The following BSPRY variants were observed in gnomAD, a reference collection of about 807,000 sequenced individuals.
The protein encoded by BSPRY is B-box and SPRY domain containing.
In BSPRY, 33 loss-of-function variants were observed where a neutral mutation model predicts 38.0. That is an observed-to-expected ratio of 0.87 (90% CI 0.66 to 1.16). The LOEUF is 1.16. BSPRY is among the 50% of genes most tolerant of loss of function. The pLI is 0.00. For synonymous variants in BSPRY, 224 were observed against 228.5 expected (o/e 0.98, Z 0.18); for missense variants, 523 against 533.2 (o/e 0.98, Z 0.19).
At chr9:113,367,081 A>T (rs1834264696) in intron 4 of BSPRY, among the ~76,000 whole-genome samples, 1 of 152,220 alleles carries the variant, frequency 6.6e-6, no homozygotes, top group Non-Finnish European at 1.5e-5. Context: ...ACTTCAGGTC[A>T]AGGAAAAAAT....
rs1180845161 is a variant in BSPRY at position 113,360,700 on chromosome 9, T to G, written c.494T>G (p.Val165Gly). The stretch of plus-strand genomic sequence containing the variant: ...CTTGACACCATCCGCACTGGCCTGG[T>G]GGGCATGCTTACTCACCTGGATGAC... ...QKLDTIRTGL[V>G]GMLTHLDDLQ... is the part of the protein sequence containing the mutation. The change falls in exon 3 of 6, where the codon GTG becomes GGG. Residue 165 changes from valine to glycine, a missense_variant. By Grantham distance (109) the Val-to-Gly change is moderately radical. Coordinates refer to ENST00000374183, the MANE Select transcript of BSPRY (RefSeq NM_017688.3). The G allele has an allele frequency of 6.2e-7, 1 of 1,601,254 alleles. No homozygotes were observed.
intron 4 of BSPRY, among the ~76,000 whole-genome samples, chr9:113,367,269 C>G (rs966922177): frequency 6.6e-6 from 1 of 152,096 alleles, no homozygotes; most frequent in African/African-American, 2.4e-5. Context: ...AACAGCAAAC[C>G]CAGGCCCTCA....
chr9:113,359,373 A>G (rs941002304), intron 2 of BSPRY, among the ~76,000 whole-genome samples: 2 of 152,208 alleles, frequency 1.3e-5, no homozygotes, highest in Non-Finnish European at 2.9e-5. Flanking sequence ...TTCTGGGTTC[A>G]CTTGCCATTC....
intron 4 of BSPRY, among the ~76,000 whole-genome samples, chr9:113,364,295 G>A (rs111573629): frequency 2.8e-4 from 42 of 152,274 alleles, no homozygotes; most frequent in Non-Finnish European, 5.4e-4. Flanking sequence ...TTACATTCAC[G>A]TCACTTTTTT....
chr9:113,360,726 C>A lies in BSPRY; in HGVS notation c.520C>A (p.Leu174Ile). ...LVGMLTHLDD[L>I]QLIQKEQEIF... ...GGGCATGCTTACTCACCTGGATGAC[C>A]TCCAGCTGATTGTAAGTCAGGCAAG... The change falls in exon 3 of 6, where the codon CTC (leucine) becomes ATC (isoleucine). Residue 174 changes from leucine (L) to isoleucine (I), a missense_variant. Transcript: ENST00000374183. 1 of 1,588,130 alleles carries A rather than the reference C, an allele frequency of 6.3e-7. No homozygotes were observed. Among genetic ancestry groups the A allele is most frequent in the South Asian group, 1.1e-5 (1 of 87,318 alleles).
rs199976191 is a variant in BSPRY, at chr9:113,369,997, G to A, written c.1064G>A (p.Gly355Asp). 475 of 1,614,040 alleles carry A rather than the reference G, an allele frequency of 2.9e-4. No individual in the cohort carries two copies. Among genetic ancestry groups the A allele is most frequent in the Non-Finnish European group, 3.7e-4 (439 of 1,180,052 alleles). ...LGLLRGPAQL[G>D]VVLDLQVQEL... ...CTGCTGCGGGGCCCAGCCCAGCTGG[G>A]TGTAGTGCTGGACTTGCAGGTTCAG... The change falls in exon 6 of 6, where the codon GGT becomes GAT. Residue 355 changes from glycine to aspartate, a missense_variant. Gly to Asp is a moderately conservative substitution (Grantham distance 94). Transcript: ENST00000374183.
At chr9:113,355,087 G>A (rs1834035687) in intron 2 of BSPRY, among the ~76,000 whole-genome samples, 1 of 152,158 alleles carries the variant, frequency 6.6e-6, no homozygotes, top group African/African-American at 2.4e-5. Flanking sequence ...GAACTCCTGG[G>A]CTTAAGCCAA....
chr9:113,367,834 C>CTTTTT (rs34649175), intron 4 of BSPRY, among the ~76,000 whole-genome samples: 1 of 144,278 alleles, frequency 6.9e-6, no homozygotes, highest in African/African-American at 2.6e-5. Flanking sequence ...GGATGCCACT[C>CTTTTT]TTTTTTTTTT....
Position 113,360,714 on chromosome 9 carries a change from C to G in BSPRY, c.508C>G (p.His170Asp). Residue 170 changes from histidine to aspartate, a missense_variant, in exon 3 of 6, where the codon CAC (histidine) becomes GAC (aspartate). By Grantham distance (81) the His-to-Asp change is moderately conservative (BLOSUM62 -1). Transcript: ENST00000374183. ...CACTGGCCTGGTGGGCATGCTTACTCACCTGGATGACCTCCAGCTGATTGT... is the reference window on the plus strand; with the variant it reads ...CACTGGCCTGGTGGGCATGCTTACTGACCTGGATGACCTCCAGCTGATTGT... ...IRTGLVGMLTHLDDLQLIQKE... is the reference protein window; with the variant it reads ...IRTGLVGMLTDLDDLQLIQKE... 4 of 1,595,704 alleles carry G rather than the reference C, an allele frequency of 2.5e-6. No individual in the cohort carries two copies. The highest frequency in any genetic ancestry group is 3.4e-6 in the Non-Finnish European group (4 of 1,172,040).
At chr9:113,355,429 C>T (rs1374210497) in intron 2 of BSPRY, among the ~76,000 whole-genome samples, 2 of 152,174 alleles carry the variant, frequency 1.3e-5, no homozygotes, top group Non-Finnish European at 2.9e-5. Flanking sequence ...AGACCAGGAA[C>T]CAGAAAGCTG....
chr9:113,363,618 T>C (rs538495849), intron 4 of BSPRY, among the ~76,000 whole-genome samples: 1 of 151,678 alleles, frequency 6.6e-6, no homozygotes, highest in South Asian at 2.1e-4. Context: ...CGGTGGCTCA[T>C]GCCTATAATC....
At chr9:113,358,198 T>G (rs1834094575) in intron 2 of BSPRY, among the ~76,000 whole-genome samples, 1 of 151,054 alleles carries the variant, frequency 6.6e-6, no homozygotes, top group South Asian at 2.1e-4. Context: ...CAGTGAGCTA[T>G]GATTGCATCA....
At chr9:113,369,360 A>G (rs1396906511) in intron 5 of BSPRY, among the ~76,000 whole-genome samples, 2 of 152,202 alleles carry the variant, frequency 1.3e-5, no homozygotes, top group East Asian at 3.9e-4. Context: ...GACTGATAGT[A>G]ACTATTGTTA....
intron 4 of BSPRY, among the ~76,000 whole-genome samples, chr9:113,365,183 A>C (rs1834228345): frequency 1.3e-5 from 2 of 152,322 alleles, no homozygotes; most frequent in South Asian, 4.1e-4. Flanking sequence ...TTTCCTCATT[A>C]TAAAGTTATG....
intron 3 of BSPRY, 138 bp downstream of exon 3, chr9:113,360,875 G>C: frequency 1.3e-6 from 1 of 786,072 alleles, no homozygotes; most frequent in East Asian, 2.7e-5. Flanking sequence ...TTCTTTGCTT[G>C]GCCAAACTTT....
chr9:113,366,669 C>A (rs997627136), intron 4 of BSPRY, among the ~76,000 whole-genome samples: 1 of 152,206 alleles, frequency 6.6e-6, no homozygotes. Flanking sequence ...AGCTTAGCAC[C>A]GCTGACATCA....
chr9:113,367,628 A>G (rs992816651), intron 4 of BSPRY, among the ~76,000 whole-genome samples: 2 of 152,312 alleles, frequency 1.3e-5, no homozygotes, highest in Non-Finnish European at 2.9e-5. Flanking sequence ...TCTTAGCCCC[A>G]GCTCTGCCAT....
At chr9:113,369,531 A>G in intron 5 of BSPRY, 85 bp from the exon 6 acceptor site, 1 of 1,353,938 alleles carries the variant, frequency 7.4e-7, no homozygotes. Context: ...CATGCTAGTG[A>G]GTGGTGAGGA....
rs199644784 is a variant in BSPRY at position 113,359,884 on chromosome 9, A to T, written c.301-623A>T. ...ACTCCATCTCTATTAAAAAAAATTT[A>T]AAAAAAAAAATTTCCCATTCAGTCA... On this transcript the variant is annotated intron_variant, in intron 2 of 5. Coordinates refer to ENST00000374183, the MANE Select transcript of BSPRY (RefSeq NM_017688.3). Among the ~76,000 whole-genome samples the T allele has an allele frequency of 8.7e-4, 67 of 76,918 alleles. No individual in the cohort carries two copies. The East Asian group carries it at 0.014, about 16-fold the overall frequency. 50.5% of individuals were successfully genotyped at this position (76,918 alleles called of 152,430 possible).
Sources: allele counts gnomAD v4.1 joint callset (sites outside exome capture counted in the v4.1 genomes callset), GRCh38; gene constraint gnomAD v4.1.1; transcripts MANE v1.5; gene names NCBI Gene and HGNC (gene_info 2026-07-23, HGNC 2026-07-21).